Variants in SCLT1 observed in about 807,000 individuals in gnomAD.
SCLT1 encodes the protein sodium channel and clathrin linker 1.
In SCLT1, 78 loss-of-function variants were observed where a neutral mutation model predicts 112.8. That is an observed-to-expected ratio of 0.69 (90% confidence interval 0.58 to 0.83). SCLT1 has a LOEUF of 0.83. Among genes scored for constraint, SCLT1 ranks in the 40% least tolerant of loss-of-function variants. SCLT1 has a pLI of 0.00. For missense variants in SCLT1, 747 were observed against 770.4 expected (o/e 0.97, Z 0.36); for synonymous variants, 257 against 254.7 (o/e 1.01, Z -0.09).
intron 1 of SCLT1, among the ~76,000 whole-genome samples, chr4:129,083,928 C>CA (rs905667295): frequency 5.9e-4 from 89 of 151,988 alleles, no homozygotes; most frequent in African/African-American, 2.0e-3. Context: ...AATAAACTCA[C>CA]AAAAAATGAT....
At chr4:129,072,347 T>C (rs1751088628) in intron 2 of SCLT1, among the ~76,000 whole-genome samples, 1 of 152,220 alleles carries the variant, frequency 6.6e-6, no homozygotes, top group Non-Finnish European at 1.5e-5. Flanking sequence ...TTTGGATGTC[T>C]AGGACTCTAG....
intron 1 of SCLT1, among the ~76,000 whole-genome samples, chr4:129,082,995 C>T (rs147965956): frequency 8.8e-4 from 134 of 151,876 alleles, no homozygotes; most frequent in African/African-American, 3.0e-3. Flanking sequence ...AGTTCGAGAC[C>T]ACCCTGGCCA....
chr4:129,059,599 T>A (rs954161554), intron 2 of SCLT1, among the ~76,000 whole-genome samples: 5 of 152,186 alleles, frequency 3.3e-5, no homozygotes, highest in Non-Finnish European at 5.9e-5. Context: ...TCTTTCTCCC[T>A]CATTTCTGAA....
chr4:128,976,316 C>T (rs919195562), intron 9 of SCLT1, among the ~76,000 whole-genome samples: 1 of 152,144 alleles, frequency 6.6e-6, no homozygotes, highest in Non-Finnish European at 1.5e-5. Context: ...TTAAATTTTA[C>T]AAAATACCTA....
intron 5 of SCLT1, chr4:128,873,246 TAAGAAA>T (rs1732321963): frequency 4.5e-5 from 2 of 44,448 alleles, no homozygotes; most frequent in Admixed American, 3.2e-4. Flanking sequence ...ATGGATTCCT[TAAGAAA>T]AAGGAAAAAA....
chr4:129,021,429 A>C (rs1745461105), intron 5 of SCLT1, among the ~76,000 whole-genome samples: 1 of 152,202 alleles, frequency 6.6e-6, no homozygotes, highest in African/African-American at 2.4e-5. Flanking sequence ...CCAGCAAGCT[A>C]AGGACCACTA....
chr4:129,009,104 A>G (rs1744286744), intron 5 of SCLT1, among the ~76,000 whole-genome samples: 1 of 152,180 alleles, frequency 6.6e-6, no homozygotes, highest in African/African-American at 2.4e-5. Context: ...TGTCATTGTG[A>G]ATAACTGTTC....
intron 5 of SCLT1, chr4:128,873,292 G>GAAAA (rs1198041271): frequency 8.5e-6 from 1 of 117,184 alleles, no homozygotes; most frequent in Non-Finnish European, 1.8e-5. Context: ...AAAAAAAAAA[G>GAAAA]AAAAAAGAAA....
intron 5 of SCLT1, among the ~76,000 whole-genome samples, chr4:129,008,530 A>G (rs2126098693): frequency 6.6e-6 from 1 of 151,918 alleles, no homozygotes; most frequent in African/African-American, 2.4e-5. Context: ...TACTTTTGAA[A>G]TTTTTCAGCT....
chr4:129,047,729 T>G (rs181993518), intron 2 of SCLT1, among the ~76,000 whole-genome samples: 15 of 152,264 alleles, frequency 9.9e-5, no homozygotes, highest in Admixed American at 3.9e-4. Flanking sequence ...TGCATTTCTC[T>G]AATGATTACT....
chr4:128,943,278 T>A (rs1035117365), intron 16 of SCLT1, 90 bp from the exon 17 acceptor site: 2 of 912,590 alleles, frequency 2.2e-6, no homozygotes, highest in African/African-American at 3.4e-5. Flanking sequence ...ACATGGACTT[T>A]TGTTTGCTTT....
At chr4:129,020,036 T>C (rs1399695543) in intron 5 of SCLT1, among the ~76,000 whole-genome samples, 1 of 152,188 alleles carries the variant, frequency 6.6e-6, no homozygotes, top group Non-Finnish European at 1.5e-5. Context: ...TTTTATATCA[T>C]CTGGTCCCTA....
chr4:128,961,422 T>C (rs1472918153), intron 11 of SCLT1, among the ~76,000 whole-genome samples: 1 of 152,204 alleles, frequency 6.6e-6, no homozygotes, highest in Non-Finnish European at 1.5e-5. Context: ...ATTGATCTAC[T>C]TATTTATTAC....
chr4:128,975,590 GA>G (rs1307492554), intron 9 of SCLT1, among the ~76,000 whole-genome samples: 1 of 152,038 alleles, frequency 6.6e-6, no homozygotes, highest in Non-Finnish European at 1.5e-5. Flanking sequence ...TGCATACAGT[GA>G]AAAATGGTAA....
chr4:129,027,516 G>A (rs1299306957), intron 5 of SCLT1, among the ~76,000 whole-genome samples: 1 of 152,136 alleles, frequency 6.6e-6, no homozygotes, highest in Non-Finnish European at 1.5e-5. Context: ...AGGTATTGAT[G>A]GGACGTATCT....
chr4:129,044,031 T>A lies in SCLT1; in HGVS notation c.123A>T (p.Glu41Asp), dbSNP rs771124477. 6.4e-7 allele frequency: 1 copy of A among 1,570,430 alleles called. No homozygotes were observed. Among genetic ancestry groups the A allele is most frequent in the South Asian group, 1.1e-5 (1 of 88,308 alleles). ...SSVQKAVCQG[E>D]GDDTFENLVF... ...CTAGGTTTTCAAATGTGTCGTCTCCTTCTCCTTGGCAGACAGCTTTCTATA... is the reference window on the plus strand; with the variant it reads ...CTAGGTTTTCAAATGTGTCGTCTCCATCTCCTTGGCAGACAGCTTTCTATA... The change falls in exon 3 of 21, where the codon GAA becomes GAT. Residue 41 changes from glutamate (E) to aspartate (D), a missense_variant. Around this residue, in one of 2 missense-constraint regions of SCLT1, gnomAD observed 723 missense variants for 721.3 expected, o/e 1.00. Coordinates refer to ENST00000281142, the MANE Select transcript of SCLT1 (RefSeq NM_144643.4).
intron 5 of SCLT1, among the ~76,000 whole-genome samples, chr4:129,016,859 T>C (rs892911539): frequency 6.6e-6 from 1 of 152,246 alleles, no homozygotes; most frequent in African/African-American, 2.4e-5. Context: ...TTTGTTAAGA[T>C]TTTGTCAAGA....
intron 5 of SCLT1, among the ~76,000 whole-genome samples, chr4:129,020,938 CAAG>C (rs57882650): frequency 0.014 from 2,138 of 152,178 alleles, 49 homozygotes; most frequent in African/African-American, 0.046. Context: ...AAATAATAAG[CAAG>C]AAGATAAATA....
intron 18 of SCLT1, among the ~76,000 whole-genome samples, chr4:128,918,503 A>G (rs150779830): frequency 2.3e-4 from 35 of 152,334 alleles, no homozygotes; most frequent in African/African-American, 7.7e-4. Context: ...ACAACAGAGA[A>G]GAATGAATAA....
Sources: allele counts gnomAD v4.1 joint callset (sites outside exome capture counted in the v4.1 genomes callset), GRCh38; gene constraint gnomAD v4.1.1; regional missense constraint gnomAD v4.1.1; transcripts MANE v1.5; gene names NCBI Gene and HGNC (gene_info 2026-07-23, HGNC 2026-07-21).